Variants in JAKMIP1 observed in about 807,000 individuals in gnomAD.
The protein encoded by JAKMIP1 is janus kinase and microtubule-interacting protein 1.
Under a neutral mutation model 113.0 loss-of-function variants are expected in JAKMIP1, and 33 were observed. That is an observed-to-expected ratio of 0.29 (90% confidence interval 0.22 to 0.39). JAKMIP1 has a LOEUF of 0.39. Among genes scored for constraint, JAKMIP1 ranks in the 10% least tolerant of loss-of-function variants. JAKMIP1 has a pLI of 1.00. For synonymous variants in JAKMIP1, 480 were observed against 459.9 expected (o/e 1.04, Z -0.56); for missense variants, 813 against 1,080.5 (o/e 0.75, Z 3.47).
intron 1 of JAKMIP1, among the ~76,000 whole-genome samples, chr4:6,118,794 G>A (rs933321086): frequency 1.3e-5 from 2 of 152,158 alleles, no homozygotes; most frequent in Admixed American, 6.5e-5. Flanking sequence ...GAGGGCTGAG[G>A]CGGGCTGAAT....
chr4:6,055,007 T>A (rs945810361), intron 12 of JAKMIP1, among the ~76,000 whole-genome samples: 1 of 151,704 alleles, frequency 6.6e-6, no homozygotes, highest in Non-Finnish European at 1.5e-5. Context: ...CTGGGGTTGC[T>A]CGCTGTCCCA....
intron 3 of JAKMIP1, among the ~76,000 whole-genome samples, chr4:6,087,544 T>C (rs1397266466): frequency 6.6e-6 from 1 of 152,114 alleles, no homozygotes; most frequent in Non-Finnish European, 1.5e-5. Context: ...AACATAGAGA[T>C]GAGAGAAGAA....
Position 6,187,985 on chromosome 4 carries a change from G to T in JAKMIP1, c.-148+12268C>A, listed in dbSNP as rs1654297844. Reference sequence around the variant, plus strand: ...ACCGTGTTTGCCATGTAAGTCAGGAGCAAGGACTTCAAAGAGGTATTTCTT... The same window carrying T: ...ACCGTGTTTGCCATGTAAGTCAGGATCAAGGACTTCAAAGAGGTATTTCTT... On this transcript the variant is annotated intron_variant, in intron 1 of 20. Coordinates refer to ENST00000409021, the MANE Select transcript of JAKMIP1 (RefSeq NM_001099433.2). The surrounding 1 kb of genome is among the most constrained non-coding windows in gnomAD (Gnocchi z 4.2). 6.6e-6 allele frequency among the ~76,000 whole-genome samples: 1 copy of T among 152,180 alleles called. No individual in the cohort carries two copies. The highest frequency in any genetic ancestry group is 2.4e-5 in the African/African-American group (1 of 41,442).
intron 13 of JAKMIP1, chr4:6,053,658 CAG>C: frequency 2.5e-6 from 1 of 403,326 alleles, no homozygotes; most frequent in Non-Finnish European, 3.5e-6. Flanking sequence ...TTAATTGCAA[CAG>C]TGCTTCCGTC....
chr4:6,118,031 T>C (rs1016969772), intron 1 of JAKMIP1, among the ~76,000 whole-genome samples: 6 of 152,220 alleles, frequency 3.9e-5, no homozygotes, highest in African/African-American at 1.4e-4. Context: ...ATATCCTTCT[T>C]GGCTGACAGG....
intron 8 of JAKMIP1, among the ~76,000 whole-genome samples, chr4:6,074,784 T>C (rs1240058541): frequency 6.6e-6 from 1 of 152,222 alleles, no homozygotes; most frequent in Non-Finnish European, 1.5e-5. Flanking sequence ...CATAAGATCA[T>C]AACACTGTAT....
chr4:6,065,078 G>A lies in JAKMIP1; in HGVS notation c.1303-70C>T. The A allele has an allele frequency of 1.3e-6, 2 of 1,585,236 alleles. No homozygotes were observed. The highest frequency in any genetic ancestry group is 2.2e-5 in the South Asian group (2 of 89,960). On this transcript the variant is annotated intron_variant, in intron 8 of 20. Coordinates refer to ENST00000409021, the MANE Select transcript of JAKMIP1 (RefSeq NM_001099433.2). This position sits in a 1 kb window ranked among gnomAD's most constrained non-coding sequence, Gnocchi z 5.1. Reference sequence around the variant, plus strand: ...CCAGAGTCTACCAGTCCCTGGTCGTGGGCATGCCAGTGCAGGGGGGTGATG... The same window carrying A: ...CCAGAGTCTACCAGTCCCTGGTCGTAGGCATGCCAGTGCAGGGGGGTGATG...
chr4:6,198,218 C>T (rs959926536), intron 1 of JAKMIP1, among the ~76,000 whole-genome samples: 3 of 152,190 alleles, frequency 2.0e-5, no homozygotes, highest in African/African-American at 4.8e-5. Flanking sequence ...ACAATCTTTC[C>T]GGCAGAGTCT....
intron 18 of JAKMIP1, among the ~76,000 whole-genome samples, chr4:6,039,552 T>A (rs1714039372): frequency 6.6e-6 from 1 of 152,202 alleles, no homozygotes; most frequent in Admixed American, 6.5e-5. Flanking sequence ...GCACCAAGCC[T>A]GGACCAAAAC....
rs553357862 is a variant in JAKMIP1 at position 6,051,893 on chromosome 4, C to A, written c.1807-1214G>T. The stretch of plus-strand genomic sequence containing the variant: ...GGTGGGGCAGCAGAGAAGACCTTTT[C>A]AAATTACACCTTTAAATCAAACTGC... On this transcript the variant is annotated intron_variant, in intron 13 of 20. Coordinates refer to ENST00000409021, the MANE Select transcript of JAKMIP1 (RefSeq NM_001099433.2). This position sits in a 1 kb window ranked among gnomAD's most constrained non-coding sequence, Gnocchi z 5.0. Among the ~76,000 whole-genome samples, 2 of 152,278 alleles carry A rather than the reference C, an allele frequency of 1.3e-5. No individual in the cohort carries two copies. The highest frequency in any genetic ancestry group is 1.9e-4 in the East Asian group (1 of 5,182).
chr4:6,103,223 T>C (rs1441038177), intron 3 of JAKMIP1, among the ~76,000 whole-genome samples: 1 of 152,170 alleles, frequency 6.6e-6, no homozygotes, highest in African/African-American at 2.4e-5. Context: ...TATCATGAAG[T>C]TGAATTTTAC....
intron 1 of JAKMIP1, among the ~76,000 whole-genome samples, chr4:6,152,131 G>A (rs1470981414): frequency 6.6e-6 from 1 of 152,044 alleles, no homozygotes; most frequent in African/African-American, 2.4e-5. Context: ...AAGAGAGGGA[G>A]GGTGGGAAAA....
intron 1 of JAKMIP1, among the ~76,000 whole-genome samples, chr4:6,174,558 G>T (rs1420254943): frequency 6.6e-6 from 1 of 152,192 alleles, no homozygotes; most frequent in Non-Finnish European, 1.5e-5. Flanking sequence ...GGGTGCAGAA[G>T]AACAGGCCTG....
At chr4:6,161,070 A>T (rs2109002408) in intron 1 of JAKMIP1, among the ~76,000 whole-genome samples, 1 of 122,460 alleles carries the variant, frequency 8.2e-6, no homozygotes, top group South Asian at 2.7e-4. Flanking sequence ...ACCTCCTCTG[A>T]TCTCCACTCA....
intron 2 of JAKMIP1, among the ~76,000 whole-genome samples, chr4:6,111,473 C>T (rs148002440): frequency 2.6e-5 from 4 of 152,346 alleles, no homozygotes; most frequent in Non-Finnish European, 5.9e-5. Context: ...TGCAGCTGTG[C>T]CTGGGCACCA....
rs897374304 is a variant in JAKMIP1 at position 6,081,495 on chromosome 4, G to A, written c.1101+114C>T. On this transcript the variant is annotated intron_variant, in intron 6 of 20. Transcript: ENST00000409021. This position sits in a 1 kb window ranked among gnomAD's most constrained non-coding sequence, Gnocchi z 4.6. ...ACTGACACTGTGCCTGGTGCTTTGT[G>A]GGGAGGTGGGCAGCAGGTGCGCCCC... The A allele has an allele frequency of 8.9e-7, 1 of 1,128,790 alleles. No homozygotes were observed. The highest frequency in any genetic ancestry group is 1.3e-6 in the Non-Finnish European group (1 of 772,978). 69.9% of individuals were successfully genotyped at this position (1,128,790 alleles called of 1,614,324 possible).
At position 6,067,774 on chromosome 4, in the gene JAKMIP1, G is replaced by A. The variant is rs969187776; in HGVS notation, c.1303-2766C>T. Among the ~76,000 whole-genome samples the A allele has an allele frequency of 3.7e-5, 5 of 134,302 alleles. No individual in the cohort carries two copies. The highest frequency in any genetic ancestry group is 2.5e-4 in the South Asian group (1 of 3,936). 88.1% of individuals were successfully genotyped at this position (134,302 alleles called of 152,430 possible). A position where few individuals can be genotyped will look rare whatever the true frequency, so the allele number is the denominator to read the frequency against. ...CGCAGGTCACCCCCCTGAGCTCCAC[G>A]TTCACTCAAGCTCTTCTGCACACGC... On this transcript the variant is annotated intron_variant, in intron 8 of 20. Transcript: ENST00000409021. The surrounding 1 kb of genome is among the most constrained non-coding windows in gnomAD (Gnocchi z 4.6).
At chr4:6,055,403 T>C (rs991583314) in intron 12 of JAKMIP1, among the ~76,000 whole-genome samples, 1 of 152,212 alleles carries the variant, frequency 6.6e-6, no homozygotes, top group African/African-American at 2.4e-5. Flanking sequence ...ACGATTTTAA[T>C]TCCAAAGCAT....
intron 19 of JAKMIP1, among the ~76,000 whole-genome samples, chr4:6,033,915 G>A (rs1486716392): frequency 1.3e-5 from 2 of 152,208 alleles, no homozygotes; most frequent in Admixed American, 6.5e-5. Flanking sequence ...GGATCATGCA[G>A]TGTGGAGACC....
Sources: gnomAD v4.1 joint callset for allele counts (sites outside exome capture counted in the v4.1 genomes callset) on GRCh38, gnomAD v4.1.1 for gene constraint, Gnocchi (gnomAD v3.1) non-coding constraint, MANE v1.5 for transcripts, NCBI Gene and HGNC (gene_info 2026-07-23, HGNC 2026-07-21) for gene names.